GNA13: variants seen among roughly 807,000 people sequenced by gnomAD.
The protein encoded by GNA13 is G protein subunit alpha 13.
Under a neutral mutation model 33.5 loss-of-function variants are expected in GNA13, and 4 were observed. The observed-to-expected ratio is 0.12, with a 90% CI of 0.06 to 0.27. The LOEUF is 0.27. GNA13 is among the 10% of genes least tolerant of loss of function. The pLI is 1.00. For missense variants in GNA13, 319 were observed against 487.2 expected, an observed-to-expected ratio of 0.65 and a Z score of 3.25; for synonymous variants, 176 against 183.8, an observed-to-expected ratio of 0.96 and a Z score of 0.34.
intron 1 of GNA13, chr17:65,055,504 C>T: frequency 2.1e-6 from 1 of 465,278 alleles, no homozygotes; most frequent in Non-Finnish European, 2.8e-6. Flanking sequence ...TAAATAGAAG[C>T]AGTGGTACTC....
At chr17:65,015,191 A>T (rs1281988430) in intron 3 of GNA13, among the ~76,000 whole-genome samples, 1 of 152,120 alleles carries the variant, frequency 6.6e-6, no homozygotes, top group East Asian at 1.9e-4. Context: ...ACTTGTTTTC[A>T]TCCCTGCAAT....
chr17:65,012,504 G>A lies in GNA13; in HGVS notation c.*1753C>T, dbSNP rs1379607378. On this transcript the variant is annotated 3_prime_UTR_variant, in exon 4 of 4. Coordinates refer to ENST00000439174, the MANE Select transcript of GNA13 (RefSeq NM_006572.6). ...GCACGATACCATGAACTTGCATCAC[G>A]GTGCCGGGCTACGTATGTGTAGCTC... 4 of 218,084 alleles carry A rather than the reference G, an allele frequency of 1.8e-5. No homozygotes were observed. Among genetic ancestry groups the A allele is most frequent in the Admixed American group, 1.7e-4 (3 of 17,256 alleles). 13.5% of individuals were successfully genotyped at this position (218,084 alleles called of 1,614,324 possible).
At chr17:65,044,295 C>T (rs374440075) in intron 2 of GNA13, among the ~76,000 whole-genome samples, 1 of 152,152 alleles carries the variant, frequency 6.6e-6, no homozygotes, top group Non-Finnish European at 1.5e-5. Flanking sequence ...TTCATATCAG[C>T]TCATTCTAAT....
chr17:65,025,545 C>T (rs1260881572), intron 2 of GNA13, among the ~76,000 whole-genome samples: 1 of 152,270 alleles, frequency 6.6e-6, no homozygotes, highest in African/African-American at 2.4e-5. Context: ...GAAAAGTTAT[C>T]GTTAAGTGCT....
At chr17:65,032,611 G>A (rs1479342508) in intron 2 of GNA13, among the ~76,000 whole-genome samples, 1 of 152,138 alleles carries the variant, frequency 6.6e-6, no homozygotes. Flanking sequence ...CCAGTCCAAA[G>A]GCTGGCTTTA....
At chr17:65,052,629 T>C (rs1415054975) in intron 2 of GNA13, among the ~76,000 whole-genome samples, 1 of 152,254 alleles carries the variant, frequency 6.6e-6, no homozygotes, top group Admixed American at 6.5e-5. Context: ...AAACACTTGA[T>C]TAAAAATTTG....
intron 2 of GNA13, among the ~76,000 whole-genome samples, chr17:65,031,671 A>C (rs1907016998): frequency 6.6e-6 from 1 of 152,188 alleles, no homozygotes; most frequent in African/African-American, 2.4e-5. Context: ...AATGTTTTCT[A>C]AATATTTATT....
In GNA13 at chr17:65,038,861, T is replaced by C. The variant is rs1013300944; in HGVS notation, c.510+14641A>G. Among the ~76,000 whole-genome samples the C allele has an allele frequency of 1.8e-4, 27 of 152,244 alleles. 1 individual carries two copies. Among genetic ancestry groups the C allele is most frequent in the Non-Finnish European group, 3.4e-4 (23 of 68,042 alleles). ...GCACAAAGCTTATTTTATAATAAAG[T>C]GTTGAATATCTCACAACGTTTACTG... On this transcript the variant is annotated intron_variant, in intron 2 of 3. Coordinates refer to ENST00000439174, the MANE Select transcript of GNA13 (RefSeq NM_006572.6).
Position 65,011,171 on chromosome 17 carries a change from C to T in GNA13, c.*3086G>A, listed in dbSNP as rs1906174052. The T allele has an allele frequency of 4.9e-6, 1 of 204,998 alleles. No individual in the cohort carries two copies. Among genetic ancestry groups the T allele is most frequent in the African/African-American group, 2.3e-5 (1 of 43,838 alleles). The allele number at this position is 204,998 out of a possible 1,614,324, so 12.7% of individuals were successfully genotyped here. ...TTGAATCTAAATCAGCACTTCTAAT[C>T]ATTTCTGGTATTAAGGCGATCTTAT... On this transcript the variant is annotated 3_prime_UTR_variant, in exon 4 of 4. Coordinates refer to ENST00000439174, the MANE Select transcript of GNA13 (RefSeq NM_006572.6).
intron 2 of GNA13, among the ~76,000 whole-genome samples, chr17:65,034,252 T>C (rs907953394): frequency 6.6e-6 from 1 of 152,132 alleles, no homozygotes; most frequent in Non-Finnish European, 1.5e-5. Flanking sequence ...AGAGCTTTTT[T>C]GGAAAGAACT....
chr17:65,018,634 G>A (rs948192832), intron 2 of GNA13, among the ~76,000 whole-genome samples: 1 of 152,128 alleles, frequency 6.6e-6, no homozygotes. Flanking sequence ...CTGCTTTTGA[G>A]ATAAAACATA....
intron 2 of GNA13, among the ~76,000 whole-genome samples, chr17:65,032,939 CG>C (rs1370405918): frequency 6.6e-6 from 1 of 151,944 alleles, no homozygotes; most frequent in Non-Finnish European, 1.5e-5. Context: ...GGTGAAACCC[CG>C]TCTCTACTCA....
Position 65,056,569 on chromosome 17 carries a change from A to C in GNA13, c.25T>G (p.Ser9Ala). MADFLPSR[S>A]VLSVCFPGCL... Reference sequence around the variant, plus strand: ...CCGGGGAAGCACACGGACAGCACGGACCGCGACGGCAGGAAGTCCGCCATC... The same window carrying C: ...CCGGGGAAGCACACGGACAGCACGGCCCGCGACGGCAGGAAGTCCGCCATC... The change falls in exon 1 of 4, where the codon TCC becomes GCC. Residue 9 changes from serine (S) to alanine (A), a missense_variant. Ser to Ala is a moderately conservative substitution (Grantham distance 99). This residue lies in a region of GNA13 where 47 missense variants were observed against 64.7 expected (regional missense o/e 0.73). Coordinates refer to ENST00000439174, the MANE Select transcript of GNA13 (RefSeq NM_006572.6). 1 of 1,607,430 alleles carries C rather than the reference A, an allele frequency of 6.2e-7. No individual in the cohort carries two copies. Among genetic ancestry groups the C allele is most frequent in the Non-Finnish European group, 8.5e-7 (1 of 1,178,018 alleles).
rs145562983 is a variant in GNA13, at chr17:65,014,452, T to C, written c.939A>G (p.Glu313=). ...VSIKDYFLEF[E]GDPHCLRDVQ... ...CGTCTCTTAAGCAGTGGGGATCCCC[T>C]TCAAATTCTAGGAAATAGTCTTTGA... The change falls in exon 4 of 4, where the codon GAA becomes GAG. Residue 313 remains glutamate, a synonymous_variant. Coordinates refer to ENST00000439174, the MANE Select transcript of GNA13 (RefSeq NM_006572.6). The surrounding 1 kb of genome is among the most constrained non-coding windows in gnomAD (Gnocchi z 5.3). The C allele has an allele frequency of 6.8e-6, 11 of 1,614,084 alleles. No homozygotes were observed. Among genetic ancestry groups the C allele is most frequent in the Non-Finnish European group, 8.5e-6 (10 of 1,179,926 alleles).
rs536677297 is a variant in GNA13 at position 65,037,918 on chromosome 17, A to G, written c.510+15584T>C. Among the ~76,000 whole-genome samples, 10 of 152,142 alleles carry G rather than the reference A, an allele frequency of 6.6e-5. No homozygotes were observed. The South Asian group carries it at 2.1e-3, about 32-fold the overall frequency. On this transcript the variant is annotated intron_variant, in intron 2 of 3. Coordinates refer to ENST00000439174, the MANE Select transcript of GNA13 (RefSeq NM_006572.6). ...CACAGACATTAAATATCTCCTAGATACAAACACCTCCTCAATTTCTATCTC... is the reference window on the plus strand; with the variant it reads ...CACAGACATTAAATATCTCCTAGATGCAAACACCTCCTCAATTTCTATCTC...
chr17:65,053,681 C>G lies in GNA13; in HGVS notation c.331G>C (p.Gly111Arg), dbSNP rs1907936480. 2 of 1,613,800 alleles carry G rather than the reference C, an allele frequency of 1.2e-6. No individual in the cohort carries two copies. Among genetic ancestry groups the G allele is most frequent in the South Asian group, 2.2e-5 (2 of 91,086 alleles). The change falls in exon 2 of 4, where the codon GGA becomes CGA. Residue 111 changes from glycine (G) to arginine (R), a missense_variant. This residue lies in a region of GNA13 where 136 missense variants were observed against 159.3 expected (regional missense o/e 0.85). Coordinates refer to ENST00000439174, the MANE Select transcript of GNA13 (RefSeq NM_006572.6). ...DAREKLHIPW[G>R]DNSNQQHGDK... Reference sequence around the variant, plus strand: ...CCATGTTGTTGGTTTGAGTTGTCTCCCCAGGGAATATGAAGCTTCTCTCGA... The same window carrying G: ...CCATGTTGTTGGTTTGAGTTGTCTCGCCAGGGAATATGAAGCTTCTCTCGA...
At chr17:65,040,841 C>A (rs1280897222) in intron 2 of GNA13, among the ~76,000 whole-genome samples, 1 of 152,146 alleles carries the variant, frequency 6.6e-6, no homozygotes, top group African/African-American at 2.4e-5. Context: ...CTTTATCTGT[C>A]TAAAGTATAC....
At chr17:65,036,558 T>A (rs764106240) in intron 2 of GNA13, among the ~76,000 whole-genome samples, 4 of 152,092 alleles carry the variant, frequency 2.6e-5, no homozygotes, top group Non-Finnish European at 5.9e-5. Context: ...CTACAAAAAT[T>A]AGGTGGGTGT....
chr17:65,053,757 A>G, intron 1 of GNA13, 29 bp from the exon 2 acceptor site: 2 of 1,342,974 alleles, frequency 1.5e-6, no homozygotes, highest in African/African-American at 1.4e-5. Context: ...AAAAAAATGT[A>G]TGGAGAGGAG....
Sources: allele counts gnomAD v4.1 joint callset (sites outside exome capture counted in the v4.1 genomes callset), GRCh38; gene constraint gnomAD v4.1.1; regional missense constraint gnomAD v4.1.1; non-coding constraint Gnocchi (gnomAD v3.1); transcripts MANE v1.5; gene names NCBI Gene and HGNC (gene_info 2026-07-23, HGNC 2026-07-21).